NPC2: variants seen among roughly 807,000 people sequenced by gnomAD.
NPC2 encodes NPC intracellular cholesterol transporter 2.
In NPC2, 14 loss-of-function variants were observed where a neutral mutation model predicts 17.0. The observed-to-expected ratio is 0.82, with a 90% CI of 0.54 to 1.29. NPC2 has a LOEUF of 1.29. Among genes scored for constraint, NPC2 ranks in the 50% most tolerant of loss-of-function variants. The probability of loss-of-function intolerance (pLI) is 0.00; values close to 1 mark genes in which losing one functional copy is unlikely to be tolerated. For synonymous variants in NPC2, 75 were observed against 69.3 expected (o/e 1.08, Z -0.41); for missense variants, 167 against 183.4 (o/e 0.91, Z 0.52).
chr14:74,481,245 G>A (rs907368368), intron 3 of NPC2, among the ~76,000 whole-genome samples: 5 of 152,198 alleles, frequency 3.3e-5, no homozygotes, highest in Non-Finnish European at 4.4e-5. Context: ...ATGAGATCTG[G>A]CTGTTTAAAA....
At chr14:74,481,254 A>ATT (rs1276080550) in intron 3 of NPC2, among the ~76,000 whole-genome samples, 1 of 152,178 alleles carries the variant, frequency 6.6e-6, no homozygotes, top group Non-Finnish European at 1.5e-5. Flanking sequence ...GGCTGTTTAA[A>ATT]AGAGTCTGGG....
In NPC2 at chr14:74,483,570, A is replaced by C; in HGVS notation, c.363+845T>G. 7 of 1,349,840 alleles carry C rather than the reference A, an allele frequency of 5.2e-6. 1 individual carries two copies. Among genetic ancestry groups the C allele is most frequent in the Non-Finnish European group, 4.0e-6 (4 of 1,005,790 alleles). The allele number at this position is 1,349,840 out of a possible 1,614,324, so 83.6% of individuals were successfully genotyped here. The stretch of plus-strand genomic sequence containing the variant: ...GAATGAAGAACTATTGCCTAATTGG[A>C]AAGTGCCAGCATTCCAGACTTCAAA... On this transcript the variant is annotated intron_variant, in intron 3 of 4. Transcript: ENST00000555619.
At chr14:74,488,686 C>T (rs2086739260) in intron 1 of NPC2, among the ~76,000 whole-genome samples, 1 of 152,074 alleles carries the variant, frequency 6.6e-6, no homozygotes, top group East Asian at 1.9e-4. Context: ...TGCACTCCAG[C>T]CTGGGTGACA....
chr14:74,480,693 T>G lies in NPC2; in HGVS notation c.441+9A>C. 1 of 1,611,612 alleles carries G rather than the reference T, an allele frequency of 6.2e-7. No homozygotes were observed. The highest frequency in any genetic ancestry group is 8.5e-7 in the Non-Finnish European group (1 of 1,177,652). On this transcript the variant is annotated intron_variant, in intron 4 of 4. Coordinates refer to ENST00000555619, the MANE Select transcript of NPC2 (RefSeq NM_006432.5). Reference sequence around the variant, plus strand: ...CCACCCATGCCCTCTCACCCCCAGATAGACTTACGATCTGTACTGGGATTT... The same window carrying G: ...CCACCCATGCCCTCTCACCCCCAGAGAGACTTACGATCTGTACTGGGATTT...
At chr14:74,493,404 C>T, upstream of NPC2, 1 of 1,534,606 alleles carries the variant, frequency 6.5e-7, no homozygotes, top group East Asian at 2.5e-5. This position sits in a 1 kb window ranked among gnomAD's most constrained non-coding sequence, Gnocchi z 4.1. Flanking sequence ...AGCTGAGGCC[C>T]GCCCGCGCCC....
In NPC2 at chr14:74,484,514, A is replaced by C; in HGVS notation, c.264T>G (p.Pro88=). Residue 88 remains proline (P), a synonymous_variant, in exon 3 of 5, where the codon CCT becomes CCG. Transcript: ENST00000555619. ...TTCCACTCTTACAACCATCAGGCTC[A>C]GGAATGGGAAAGGGAACTGGGACGC... The part of the protein sequence containing the change: ...LMGVPVPFPI[P]EPDGCKSGIN... 6.2e-7 allele frequency: 1 copy of C among 1,614,166 alleles called. No homozygotes were observed. The highest frequency in any genetic ancestry group is 1.1e-5 in the South Asian group (1 of 91,078).
At chr14:74,482,160 A>C (rs2086662232) in intron 3 of NPC2, among the ~76,000 whole-genome samples, 1 of 152,198 alleles carries the variant, frequency 6.6e-6, no homozygotes, top group Non-Finnish European at 1.5e-5. Context: ...GGTTATGTGG[A>C]TATTCATCTA....
At chr14:74,487,272 T>G (rs1474867810) in intron 1 of NPC2, among the ~76,000 whole-genome samples, 1 of 145,606 alleles carries the variant, frequency 6.9e-6, no homozygotes, top group Non-Finnish European at 1.5e-5. Context: ...TGGTTTTTTT[T>G]TGTTTTTTTT....
At chr14:74,485,846 C>T (rs2086707169) in intron 2 of NPC2, among the ~76,000 whole-genome samples, 1 of 152,150 alleles carries the variant, frequency 6.6e-6, no homozygotes, top group African/African-American at 2.4e-5. Flanking sequence ...TTTCTTGGGT[C>T]CCCAGTGGGT....
rs776800891 is a variant in NPC2, at chr14:74,486,457, GGAATAGGA to G, written c.83-29_83-22del. The G allele has an allele frequency of 6.8e-4, 1,065 of 1,557,734 alleles. 12 individuals carry two copies. Among genetic ancestry groups the G allele is most frequent in the Non-Finnish European group, 1.7e-4 (196 of 1,146,598 alleles). ...AGAACCTGCAAAAGAAAAATGAATTGGAATAGGAGAATAGGAGGAGAAATAAGCCAGCT... is the reference window on the plus strand; with the variant it reads ...AGAACCTGCAAAAGAAAAATGAATTGGAATAGGAGGAGAAATAAGCCAGCT... On this transcript the variant is annotated intron_variant, in intron 1 of 4. Transcript: ENST00000555619.
intron 2 of NPC2, among the ~76,000 whole-genome samples, chr14:74,484,879 A>G (rs2086693611): frequency 6.6e-6 from 1 of 152,086 alleles, no homozygotes; most frequent in Admixed American, 6.5e-5. Flanking sequence ...CTTATCTAAC[A>G]AGGCAACTGA....
In NPC2 at chr14:74,492,498, T is replaced by C. The variant is rs143942101; in HGVS notation, c.82+695A>G. Among the ~76,000 whole-genome samples, 69 of 152,368 alleles carry C rather than the reference T, an allele frequency of 4.5e-4. 1 individual carries two copies. The East Asian group carries it at 0.013, about 28-fold the overall frequency. ...TCTTTCATTGACAGTTCTATCTCTC[T>C]ATCTCCACCTCTGAACAACATTGCT... On this transcript the variant is annotated intron_variant, in intron 1 of 4. Transcript: ENST00000555619.
chr14:74,487,337 A>G (rs1321003696), intron 1 of NPC2, among the ~76,000 whole-genome samples: 1 of 147,506 alleles, frequency 6.8e-6, no homozygotes, highest in Admixed American at 7.0e-5. Flanking sequence ...GCACAATCTC[A>G]GCTCACTGCA....
At position 74,484,439 on chromosome 14, in the gene NPC2, T is replaced by C; in HGVS notation, c.339A>G (p.Leu113=). The C allele has an allele frequency of 6.2e-7, 1 of 1,614,146 alleles. No homozygotes were observed. Among genetic ancestry groups the C allele is most frequent in the Non-Finnish European group, 8.5e-7 (1 of 1,180,026 alleles). ...KDKTYSYLNK[L]PVKSEYPSIK... is the part of the protein sequence containing the mutation. ...CAGAGGGATATTCGCTTTTCACTGG[T>C]AGTTTATTCAGGTAGCTATAGGTCT... The change falls in exon 3 of 5, where the codon CTA becomes CTG. Residue 113 remains leucine, a synonymous_variant. Coordinates refer to ENST00000555619, the MANE Select transcript of NPC2 (RefSeq NM_006432.5).
Position 74,484,607 on chromosome 14 carries a change from T to A in NPC2, c.191-20A>T. 1 of 1,613,536 alleles carries A rather than the reference T, an allele frequency of 6.2e-7. No homozygotes were observed. The highest frequency in any genetic ancestry group is 8.5e-7 in the Non-Finnish European group (1 of 1,179,740). On this transcript the variant is annotated intron_variant, in intron 2 of 4. Coordinates refer to ENST00000555619, the MANE Select transcript of NPC2 (RefSeq NM_006432.5). ...GAATATCTAAGAGAAAAAAAGAGAA[T>A]CAGATGGCAAAGAAAATAACCTATT...
intron 3 of NPC2, among the ~76,000 whole-genome samples, chr14:74,481,344 C>T (rs1200901880): frequency 1.3e-5 from 2 of 152,268 alleles, no homozygotes; most frequent in African/African-American, 4.8e-5. Flanking sequence ...TAACAGTAAG[C>T]TTCCTGAAGC....
chr14:74,492,906 T>A (rs1397613029), intron 1 of NPC2, among the ~76,000 whole-genome samples: 1 of 152,212 alleles, frequency 6.6e-6, no homozygotes, highest in Non-Finnish European at 1.5e-5. Context: ...GCCCTTCTGT[T>A]GTCCGCCCTA....
intron 1 of NPC2, among the ~76,000 whole-genome samples, chr14:74,490,919 GATTT>G (rs2086765001): frequency 1.3e-5 from 2 of 152,068 alleles, no homozygotes; most frequent in Admixed American, 6.5e-5. Context: ...ATAATTTCTG[GATTT>G]ATTTCCCTTC....
intron 1 of NPC2, among the ~76,000 whole-genome samples, chr14:74,488,960 C>T (rs2086741921): frequency 6.6e-6 from 1 of 152,182 alleles, no homozygotes; most frequent in Non-Finnish European, 1.5e-5. Flanking sequence ...TAGTCCTGTT[C>T]TTTAAGGCCC....
Sources: gnomAD v4.1 joint callset for allele counts (sites outside exome capture counted in the v4.1 genomes callset) on GRCh38, gnomAD v4.1.1 for gene constraint, Gnocchi (gnomAD v3.1) non-coding constraint, MANE v1.5 for transcripts, NCBI Gene and HGNC (gene_info 2026-07-23, HGNC 2026-07-21) for gene names.